HAPLN3: variants seen among roughly 807,000 people sequenced by gnomAD.
HAPLN3 encodes the protein hyaluronan and proteoglycan link protein 3, also known as extracellular link domain containing, 1.
HAPLN3 carries 28 observed loss-of-function variants against 28.1 expected under a neutral mutation model. The ratio of observed to expected loss-of-function variants is 1.00; its 90% CI spans 0.74 to 1.37. HAPLN3 has a LOEUF of 1.37. HAPLN3 is among the 40% of genes most tolerant of loss of function. HAPLN3 has a pLI of 0.00. For synonymous variants in HAPLN3, 211 were observed against 213.1 expected (o/e 0.99, Z 0.09); for missense variants, 513 against 504.6 (o/e 1.02, Z -0.16).
In HAPLN3 at chr15:88,887,327, G is replaced by A. The variant is rs751056733; in HGVS notation, c.-29C>T. On this transcript the variant is annotated 5_prime_UTR_variant, in exon 2 of 5. Coordinates refer to ENST00000359595, the MANE Select transcript of HAPLN3 (RefSeq NM_178232.4). ...CTCATGCCAGGGTGACCCGGGCCAG[G>A]CTGGGGCCCCAGGGCAAACTGGGAA... is the stretch of plus-strand genomic sequence containing the variant. The A allele has an allele frequency of 1.2e-6, 2 of 1,613,180 alleles. No individual in the cohort carries two copies. The highest frequency in any genetic ancestry group is 1.7e-6 in the Non-Finnish European group (2 of 1,179,568).
At position 88,878,084 on chromosome 15, in the gene HAPLN3, G is replaced by T. The variant is rs899319990; in HGVS notation, c.969C>A (p.Tyr323Ter). The T allele has an allele frequency of 2.5e-6, 4 of 1,613,938 alleles. No homozygotes were observed. The African/African-American group carries it at 4.0e-5, about 16-fold the overall frequency. The part of the protein sequence containing the change: ...AGWLADGSVR[Y>*]PVVHPHPNCG... ...AGTTAGGATGCGGGTGAACCACAGG[G>T]TAGCGGACGCTACCATCTGCCAGCC... The change falls in exon 5 of 5, where the codon TAC becomes TAA. Residue 323 changes from tyrosine (Y) to a stop codon, truncating the protein, a stop_gained. Transcript: ENST00000359595. LOFTEE classifies it low-confidence loss of function (END_TRUNC).
At chr15:88,893,214 C>T (rs951037641) in intron 1 of HAPLN3, 7 of 652,958 alleles carry the variant, frequency 1.1e-5, no homozygotes, top group African/African-American at 3.6e-5. Context: ...GTCAGGAGTT[C>T]GAGACTGGCC....
At chr15:88,878,902 C>T (rs1897609241) in intron 4 of HAPLN3, 65 bp downstream of exon 4, 1 of 1,477,552 alleles carries the variant, frequency 6.8e-7, no homozygotes, top group Non-Finnish European at 9.1e-7. Context: ...TCCCCAGAAG[C>T]TGCCCTCTCA....
chr15:88,885,596 T>C (rs1448563477), intron 2 of HAPLN3, among the ~76,000 whole-genome samples: 1 of 152,140 alleles, frequency 6.6e-6, no homozygotes, highest in Non-Finnish European at 1.5e-5. Flanking sequence ...AAGCTGGGAT[T>C]AAAGGCACCT....
intron 4 of HAPLN3, among the ~76,000 whole-genome samples, chr15:88,878,531 GTC>G (rs1897600458): frequency 6.6e-6 from 1 of 152,208 alleles, no homozygotes; most frequent in Admixed American, 6.5e-5. Flanking sequence ...ACCAGTCAGA[GTC>G]TCTTGCCCAT....
intron 2 of HAPLN3, among the ~76,000 whole-genome samples, chr15:88,886,099 C>T (rs1897845454): frequency 6.6e-6 from 1 of 152,026 alleles, no homozygotes; most frequent in African/African-American, 2.4e-5. Flanking sequence ...CCTGTAATCC[C>T]AGCATTTTGG....
chr15:88,884,284 G>C (rs1897785924), intron 2 of HAPLN3, among the ~76,000 whole-genome samples: 1 of 152,110 alleles, frequency 6.6e-6, no homozygotes, highest in African/African-American at 2.4e-5. Flanking sequence ...GTGCTTGTAG[G>C]CCGGGCACGG....
rs865997800 is a variant in HAPLN3 at position 88,893,952 on chromosome 15, G to T, written c.-48+1507C>A. On this transcript the variant is annotated intron_variant, in intron 1 of 4. Transcript: ENST00000359595. ...TCAAAAAAAAAAAAAAAGTTGGGGT[G>T]GGGGGGGCGGTCACGACAATACCAA... Among the ~76,000 whole-genome samples, 29 of 38,812 alleles carry T rather than the reference G, an allele frequency of 7.5e-4. 1 individual carries two copies. The highest frequency in any genetic ancestry group is 1.3e-3 in the Non-Finnish European group (29 of 21,874). The allele number at this position is 38,812 out of a possible 152,430, so 25.5% of individuals were successfully genotyped here.
At chr15:88,892,243 G>A (rs568185064) in intron 1 of HAPLN3, among the ~76,000 whole-genome samples, 57 of 152,224 alleles carry the variant, frequency 3.7e-4, no homozygotes, top group African/African-American at 1.3e-3. Flanking sequence ...GATCACCTGA[G>A]GTCAGGAGTT....
chr15:88,886,038 C>T (rs1025427307), intron 2 of HAPLN3, among the ~76,000 whole-genome samples: 3 of 152,218 alleles, frequency 2.0e-5, no homozygotes, highest in African/African-American at 7.2e-5. Flanking sequence ...AGCACCCGTG[C>T]TGCACTAATG....
chr15:88,881,637 G>A lies in HAPLN3; in HGVS notation c.213C>T (p.Arg71=). Residue 71 remains arginine, a synonymous_variant, in exon 3 of 5, where the codon CGC becomes CGT. Transcript: ENST00000359595. The surrounding 1 kb of genome is among the most constrained non-coding windows in gnomAD (Gnocchi z 6.0). Reference sequence around the variant, plus strand: ...AGACCAGGGCCGGCTCGTAGCGGTAGCGGCAGGGCAGGATCACACTGGCCC... The same window carrying A: ...AGACCAGGGCCGGCTCGTAGCGGTAACGGCAGGGCAGGATCACACTGGCCC... ...YQGASVILPC[R]YRYEPALVSP... 1 of 1,613,904 alleles carries A rather than the reference G, an allele frequency of 6.2e-7. No individual in the cohort carries two copies. Among genetic ancestry groups the A allele is most frequent in the Non-Finnish European group, 8.5e-7 (1 of 1,180,034 alleles).
At chr15:88,891,719 G>T (rs1898017552) in intron 1 of HAPLN3, among the ~76,000 whole-genome samples, 1 of 152,232 alleles carries the variant, frequency 6.6e-6, no homozygotes, top group South Asian at 2.1e-4. Context: ...CAGCTAGGAA[G>T]TGGCAGAGCT....
chr15:88,879,591 A>G lies in HAPLN3; in HGVS notation c.494-322T>C, dbSNP rs2141656220. ...TGAGGCTGTGCCATCTTCTCCAGAC[A>G]GGCCCGGGCTTTGGGCTCTAGGGGC... On this transcript the variant is annotated intron_variant, in intron 3 of 4. Transcript: ENST00000359595. The surrounding 1 kb of genome is among the most constrained non-coding windows in gnomAD (Gnocchi z 5.0). The G allele has an allele frequency of 7.5e-7, 1 of 1,337,854 alleles. No homozygotes were observed. The highest frequency in any genetic ancestry group is 9.8e-7 in the Non-Finnish European group (1 of 1,022,110). 82.9% of individuals were successfully genotyped at this position (1,337,854 alleles called of 1,614,324 possible). A position where few individuals can be genotyped will look rare whatever the true frequency, so the allele number is the denominator to read the frequency against.
chr15:88,880,412 A>G lies in HAPLN3; in HGVS notation c.493+945T>C, dbSNP rs1016009843. The G allele has an allele frequency of 6.8e-6, 8 of 1,178,936 alleles. No homozygotes were observed. The highest frequency in any genetic ancestry group is 3.8e-4 in the Middle Eastern group (1 of 2,634). 73.0% of individuals were successfully genotyped at this position (1,178,936 alleles called of 1,614,324 possible). On this transcript the variant is annotated intron_variant, in intron 3 of 4. Transcript: ENST00000359595. The surrounding 1 kb of genome is among the most constrained non-coding windows in gnomAD (Gnocchi z 6.0). The stretch of plus-strand genomic sequence containing the variant: ...TTTTAAGGACATACATCTTATCCTC[A>G]TTGCCTCTGAGGGAGGTAAAGGAGG...
Position 88,880,087 on chromosome 15 carries a change from C to T in HAPLN3, c.494-818G>A, listed in dbSNP as rs997385581. On this transcript the variant is annotated intron_variant, in intron 3 of 4. Transcript: ENST00000359595. This position sits in a 1 kb window ranked among gnomAD's most constrained non-coding sequence, Gnocchi z 6.0. ...CAGGGCCGGAAGCCAGGCACCTGGGCAAAGCCAGGTTGGGCGGCAGAGAAG... is the reference window on the plus strand; with the variant it reads ...CAGGGCCGGAAGCCAGGCACCTGGGTAAAGCCAGGTTGGGCGGCAGAGAAG... The T allele has an allele frequency of 9.1e-6, 9 of 992,484 alleles. No homozygotes were observed. The highest frequency in any genetic ancestry group is 1.1e-5 in the Non-Finnish European group (9 of 834,502). 61.5% of individuals were successfully genotyped at this position (992,484 alleles called of 1,614,324 possible).
intron 4 of HAPLN3, 22 bp downstream of exon 4, chr15:88,878,945 C>G (rs764608905): frequency 2.5e-6 from 4 of 1,585,194 alleles, no homozygotes; most frequent in Non-Finnish European, 3.4e-6. Flanking sequence ...CCCACAGGCC[C>G]GCGCTTGGCT....
At chr15:88,878,368 T>C (rs1218693829) in intron 4 of HAPLN3, 112 bp from the exon 5 acceptor site, 16 of 967,406 alleles carry the variant, frequency 1.7e-5, no homozygotes, top group African/African-American at 1.5e-4. Flanking sequence ...GGAGCTACCA[T>C]ACTGCAGGCA....
chr15:88,878,891 C>T, intron 4 of HAPLN3, 76 bp downstream of exon 4: 2 of 1,422,934 alleles, frequency 1.4e-6, no homozygotes, highest in South Asian at 1.4e-5. Context: ...GGGGCCAGAG[C>T]TCCCCAGAAG....
chr15:88,887,277 G>C lies in HAPLN3; in HGVS notation c.22C>G (p.Pro8Ala), dbSNP rs1258545485. 1.2e-6 allele frequency: 2 copies of C among 1,614,128 alleles called. No homozygotes were observed. The highest frequency in any genetic ancestry group is 2.2e-5 in the East Asian group (1 of 44,876). Residue 8 changes from proline (P) to alanine (A), a missense_variant, in exon 2 of 5, where the codon CCG becomes GCG. Physicochemically the swap from Pro to Ala is conservative, Grantham distance 27. Transcript: ENST00000359595. MGLLLLV[P>A]LLLLPGSYGL... ...TAGGAGCCGGGCAGCAGGAGCAACG[G>C]GACCAGGAGCAACAGGCCCATCTCC...
Sources: gnomAD v4.1 joint callset for allele counts (sites outside exome capture counted in the v4.1 genomes callset) on GRCh38, gnomAD v4.1.1 for gene constraint, Gnocchi (gnomAD v3.1) non-coding constraint, MANE v1.5 for transcripts, NCBI Gene and HGNC (gene_info 2026-07-23, HGNC 2026-07-21) for gene names.